Variants in BICDL1 observed in about 807,000 individuals in gnomAD.
BICDL1 encodes BICD family-like cargo adapter 1.
Under a neutral mutation model 76.8 loss-of-function variants are expected in BICDL1, and 20 were observed. That is an observed-to-expected ratio of 0.26 (90% CI 0.18 to 0.38). The LOEUF is 0.38. Ranked by LOEUF, BICDL1 falls within the 10% of genes least tolerant of loss-of-function variation. The probability of loss-of-function intolerance (pLI) is 1.00; values close to 1 mark genes in which losing one functional copy is unlikely to be tolerated. For synonymous variants in BICDL1, 383 were observed against 337.1 expected (o/e 1.14, Z -1.49); for missense variants, 700 against 798.6 (o/e 0.88, Z 1.49).
Position 120,004,322 on chromosome 12 carries a change from T to C in BICDL1, c.645+5586T>C, listed in dbSNP as rs73408791. 5.3e-3 allele frequency among the ~76,000 whole-genome samples: 811 copies of C among 152,244 alleles called. 9 individuals carry two copies. The highest frequency in any genetic ancestry group is 0.019 in the African/African-American group (776 of 41,562). The stretch of plus-strand genomic sequence containing the variant: ...ACATCCAGAATTGGGGTCATGTGCC[T>C]TGTCACTATGACTTTGGGTATTACT... On this transcript the variant is annotated intron_variant, in intron 2 of 9. Coordinates refer to ENST00000548673, the MANE Select transcript of BICDL1 (RefSeq NM_001367886.1).
Position 120,093,027 on chromosome 12 carries a change from C to A in BICDL1, c.1732C>A (p.Gln578Lys). The change falls in exon 10 of 10, where the codon CAG becomes AAG. Residue 578 changes from glutamine (Q) to lysine (K), a missense_variant. Coordinates refer to ENST00000548673, the MANE Select transcript of BICDL1 (RefSeq NM_001367886.1). Reference protein sequence around the residue: ...QDDMHRVIDRQLMDTHLKERS... With the variant: ...QDDMHRVIDRKLMDTHLKERS... ...TGACATGCACAGGGTCATTGACCGG[C>A]AGCTGATGGACACGCACCTGAAAGA... 6.3e-7 allele frequency: 1 copy of A among 1,583,524 alleles called. No individual in the cohort carries two copies. The highest frequency in any genetic ancestry group is 8.6e-7 in the Non-Finnish European group (1 of 1,163,064).
intron 9 of BICDL1, chr12:120,090,284 C>T (rs1271936766): frequency 5.4e-6 from 3 of 555,224 alleles, no homozygotes; most frequent in Non-Finnish European, 9.2e-6. Context: ...GCCCAGGCTG[C>T]TGCTGTCTGG....
intron 8 of BICDL1, among the ~76,000 whole-genome samples, chr12:120,081,927 T>TAA (rs373206619): frequency 2.3e-5 from 3 of 130,896 alleles, no homozygotes; most frequent in South Asian, 2.4e-4. Flanking sequence ...CAGAAAGAAT[T>TAA]AAAAAAAAAA....
intron 2 of BICDL1, among the ~76,000 whole-genome samples, chr12:120,020,335 G>A (rs190707523): frequency 1.1e-3 from 168 of 152,334 alleles, no homozygotes; most frequent in African/African-American, 3.7e-3. Context: ...AAGGCGGGAC[G>A]GCTGGAGAGT....
chr12:119,998,540 A>G lies in BICDL1; in HGVS notation c.449A>G (p.His150Arg). 1.9e-6 allele frequency: 3 copies of G among 1,609,706 alleles called. No homozygotes were observed. Among genetic ancestry groups the G allele is most frequent in the Non-Finnish European group, 2.5e-6 (3 of 1,178,066 alleles). Residue 150 changes from histidine (H) to arginine (R), a missense_variant, in exon 2 of 10, where the codon CAT becomes CGT. Transcript: ENST00000548673. ...DKLEHLEQEK[H>R]ELRRRFENRE... ...ACCCAGCACTTAGAGCAAGAGAAAC[A>G]TGAATTGAGAAGACGATTTGAGAAC... is the stretch of plus-strand genomic sequence containing the variant.
chr12:120,016,258 A>G (rs1356782180), intron 2 of BICDL1, among the ~76,000 whole-genome samples: 1 of 152,144 alleles, frequency 6.6e-6, no homozygotes, highest in Non-Finnish European at 1.5e-5. Context: ...CCATTGTGTG[A>G]ATATACTGCA....
chr12:120,017,009 A>G (rs1952078111), intron 2 of BICDL1, among the ~76,000 whole-genome samples: 1 of 151,848 alleles, frequency 6.6e-6, no homozygotes, highest in African/African-American at 2.4e-5. Flanking sequence ...TCTCCTGCTG[A>G]GCTCAGCCTC....
At chr12:120,086,644 T>A (rs1380520943) in intron 8 of BICDL1, among the ~76,000 whole-genome samples, 4 of 152,224 alleles carry the variant, frequency 2.6e-5, no homozygotes, top group Admixed American at 6.5e-5. Context: ...TCAGGAAAAT[T>A]AAGTAGCAAT....
intron 2 of BICDL1, among the ~76,000 whole-genome samples, chr12:120,013,935 G>T (rs978479171): frequency 6.6e-6 from 1 of 152,188 alleles, no homozygotes; most frequent in African/African-American, 2.4e-5. Flanking sequence ...TACAGTTGTT[G>T]AAGGGCAAGG....
chr12:120,037,020 G>C (rs1001505217), intron 2 of BICDL1, among the ~76,000 whole-genome samples: 1 of 152,212 alleles, frequency 6.6e-6, no homozygotes, highest in African/African-American at 2.4e-5. Context: ...TGTCAGTTGA[G>C]TGTTTTAATA....
intron 2 of BICDL1, among the ~76,000 whole-genome samples, chr12:120,021,586 C>CAAAAAAAA (rs145151630): frequency 6.5e-5 from 3 of 46,306 alleles, no homozygotes; most frequent in Non-Finnish European, 1.4e-4. Flanking sequence ...GACTCCATCT[C>CAAAAAAAA]AAAAAAAAAA....
At chr12:120,008,157 T>C (rs1951885322) in intron 2 of BICDL1, among the ~76,000 whole-genome samples, 3 of 133,712 alleles carry the variant, frequency 2.2e-5, no homozygotes, top group African/African-American at 8.4e-5. Flanking sequence ...TTTCTTTTTT[T>C]TTTTTTTTTT....
chr12:119,990,893 G>A (rs554178396), intron 1 of BICDL1, among the ~76,000 whole-genome samples: 1 of 152,190 alleles, frequency 6.6e-6, no homozygotes, highest in East Asian at 1.9e-4. Flanking sequence ...TTTAATTTGG[G>A]CCTCAGTATT....
At chr12:119,998,045 C>T (rs773573672) in intron 1 of BICDL1, among the ~76,000 whole-genome samples, 9 of 152,162 alleles carry the variant, frequency 5.9e-5, no homozygotes, top group South Asian at 2.1e-4. Flanking sequence ...ACCTGAGAGG[C>T]GGAGGTTGTG....
At chr12:120,077,350 T>C (rs898593939) in intron 7 of BICDL1, among the ~76,000 whole-genome samples, 7 of 152,260 alleles carry the variant, frequency 4.6e-5, no homozygotes, top group Admixed American at 3.3e-4. Flanking sequence ...CCCACTCCCA[T>C]CAGTGGCAAG....
chr12:120,054,465 G>A (rs74960280), intron 2 of BICDL1, among the ~76,000 whole-genome samples: 2,054 of 152,176 alleles, frequency 0.013, 44 homozygotes, highest in East Asian at 0.043. Context: ...CTACCACTAC[G>A]CCAGTGACAT....
chr12:120,017,954 T>C (rs1348506627), intron 2 of BICDL1, among the ~76,000 whole-genome samples: 1 of 152,222 alleles, frequency 6.6e-6, no homozygotes, highest in African/African-American at 2.4e-5. Context: ...CCTGTTTCCA[T>C]GCTTGATTCT....
intron 6 of BICDL1, among the ~76,000 whole-genome samples, chr12:120,073,910 C>CTT (rs927917390): frequency 6.6e-6 from 1 of 151,950 alleles, no homozygotes. Context: ...TGAGCAATCT[C>CTT]TTTTTTTTGT....
Position 120,094,115 on chromosome 12 carries a change from GA to G in BICDL1, c.*956del. 2.3e-6 allele frequency: 1 copy of G among 430,556 alleles called. No individual in the cohort carries two copies. The highest frequency in any genetic ancestry group is 4.7e-6 in the Non-Finnish European group (1 of 212,744). The allele number at this position is 430,556 out of a possible 1,614,324, so 26.7% of individuals were successfully genotyped here. On this transcript the variant is annotated 3_prime_UTR_variant, in exon 10 of 10. Coordinates refer to ENST00000548673, the MANE Select transcript of BICDL1 (RefSeq NM_001367886.1). ...GGTGGAGGGGAGGGGGAGGCTGCCG[GA>G]AGCCTCCAGATGCTGCCTGCCTGCC...
Sources: allele counts gnomAD v4.1 joint callset (sites outside exome capture counted in the v4.1 genomes callset), GRCh38; gene constraint gnomAD v4.1.1; transcripts MANE v1.5; gene names NCBI Gene and HGNC (gene_info 2026-07-23, HGNC 2026-07-21).